The following WTAP variants were observed in gnomAD, a reference collection of about 807,000 sequenced individuals.
WTAP encodes the protein pre-mRNA-splicing regulator WTAP.
In WTAP, 8 loss-of-function variants were observed where a neutral mutation model predicts 50.0. The ratio of observed to expected loss-of-function variants is 0.16; its 90% confidence interval spans 0.09 to 0.29. The LOEUF (loss-of-function observed/expected upper bound fraction) is 0.29, where lower values mean the gene tolerates loss of function less well. WTAP is among the 10% of genes least tolerant of loss of function. The pLI, the probability that WTAP is intolerant of heterozygous loss-of-function variation, is 1.00. For synonymous variants in WTAP, 194 were observed against 169.0 expected, an observed-to-expected ratio of 1.15 and a Z score of -1.15; for missense variants, 295 against 470.7, an observed-to-expected ratio of 0.63 and a Z score of 3.45.
chr6:159,727,374 T>TGGCACGAGGCGGGAGGCGGGA (rs776889635), upstream of WTAP: 1 of 1,021,480 alleles, frequency 9.8e-7, no homozygotes, highest in Admixed American at 3.7e-5. Context: ...GCGGGGAGGC[T>TGGCACGAGGCGGGAGGCGGGA]GGCGGGAGGC....
Position 159,755,885 on chromosome 6 carries a change from T to A in WTAP, c.*274T>A, listed in dbSNP as rs1179365505. ...TGTGTAGGGTCAAGTTATTTTTATA[T>A]GAGTTAATGTGAAATTGTAAATGGA... On this transcript the variant is annotated 3_prime_UTR_variant, in exon 8 of 8. Transcript: ENST00000621533. The A allele has an allele frequency of 2.6e-6, 1 of 382,548 alleles. No homozygotes were observed. Among genetic ancestry groups the A allele is most frequent in the African/African-American group, 2.1e-5 (1 of 46,810 alleles). The allele number at this position is 382,548 out of a possible 1,614,324, so 23.7% of individuals were successfully genotyped here. A position where few individuals can be genotyped will look rare whatever the true frequency, so the allele number is the denominator to read the frequency against.
intron 6 of WTAP, among the ~76,000 whole-genome samples, chr6:159,750,435 G>A (rs1327760521): frequency 1.3e-5 from 2 of 152,068 alleles, no homozygotes; most frequent in Non-Finnish European, 2.9e-5. Flanking sequence ...GTAGAGAAAG[G>A]GGGAGATGAA....
Position 159,748,552 on chromosome 6 carries a change from G to A in WTAP, c.452+183G>A. On this transcript the variant is annotated intron_variant, in intron 6 of 7. Coordinates refer to ENST00000621533, the MANE Select transcript of WTAP (RefSeq NM_001270531.2). The surrounding 1 kb of genome is among the most constrained non-coding windows in gnomAD (Gnocchi z 5.6). ...GTAAAACTTACCAGATGAACCTTGT[G>A]TTTCAGCTTTTTTCTTTTCCCCTTC... is the stretch of plus-strand genomic sequence containing the variant. 1.5e-6 allele frequency: 2 copies of A among 1,357,436 alleles called. No individual in the cohort carries two copies. The highest frequency in any genetic ancestry group is 1.9e-6 in the Non-Finnish European group (2 of 1,051,208). The allele number at this position is 1,357,436 out of a possible 1,614,324, so 84.1% of individuals were successfully genotyped here. A position where few individuals can be genotyped will look rare whatever the true frequency, so the allele number is the denominator to read the frequency against.
At chr6:159,754,520 A>G (rs1157876832) in intron 7 of WTAP, among the ~76,000 whole-genome samples, 1 of 152,182 alleles carries the variant, frequency 6.6e-6, no homozygotes, top group Non-Finnish European at 1.5e-5. Context: ...GTTGCTTAAT[A>G]CAGTTGCCCT....
intron 1 of WTAP, among the ~76,000 whole-genome samples, chr6:159,728,163 C>T (rs911628341): frequency 1.3e-5 from 2 of 152,250 alleles, no homozygotes; most frequent in Admixed American, 6.5e-5. Context: ...CTCTTGTAGA[C>T]TTCCATTTTT....
upstream of WTAP, chr6:159,726,956 T>A (rs1280480659): frequency 1.6e-6 from 2 of 1,286,006 alleles, no homozygotes; most frequent in Non-Finnish European, 2.0e-6. Context: ...CGGATGAGCG[T>A]CACGAACACA....
At chr6:159,734,176 TTTTG>T (rs1778762366) in intron 1 of WTAP, among the ~76,000 whole-genome samples, 3 of 152,054 alleles carry the variant, frequency 2.0e-5, no homozygotes, top group African/African-American at 4.8e-5. Context: ...TGTGTGTGTG[TTTTG>T]TTTGTTTGTT....
chr6:159,728,845 C>T (rs1246840168), intron 1 of WTAP, among the ~76,000 whole-genome samples: 5 of 152,166 alleles, frequency 3.3e-5, no homozygotes, highest in Non-Finnish European at 7.3e-5. Context: ...CTTAAGCAGA[C>T]ACATGGTTTA....
At chr6:159,736,844 A>T (rs1778951572) in intron 2 of WTAP, 1 of 152,242 alleles carries the variant, frequency 6.6e-6, no homozygotes, top group African/African-American at 2.4e-5. Context: ...ATACACACAC[A>T]CAGTGGCTGT....
At position 159,755,765 on chromosome 6, in the gene WTAP, CTTTTTTTTTTTTTTTTTT is replaced by C; in HGVS notation, c.*162_*179del. 4 of 171,464 alleles carry C rather than the reference CTTTTTTTTTTTTTTTTTT, an allele frequency of 2.3e-5. No individual in the cohort carries two copies. The highest frequency in any genetic ancestry group is 2.8e-5 in the Non-Finnish European group (4 of 140,800). 10.6% of individuals were successfully genotyped at this position (171,464 alleles called of 1,614,324 possible). A position where few individuals can be genotyped will look rare whatever the true frequency, so the allele number is the denominator to read the frequency against. The stretch of plus-strand genomic sequence containing the variant: ...TTTTTCTTTGTTTTTTTTTTCTTTT[CTTTTTTTTTTTTTTTTTT>C]TTTTTTTGCTTCAATACTTCTGCCG... On this transcript the variant is annotated 3_prime_UTR_variant, in exon 8 of 8. Transcript: ENST00000621533.
At chr6:159,743,882 A>G in intron 5 of WTAP, 90 bp downstream of exon 5, 9 of 1,342,276 alleles carry the variant, frequency 6.7e-6, no homozygotes, top group Non-Finnish European at 8.9e-6. Flanking sequence ...ATTTAATGCT[A>G]AATATAAGAG....
At chr6:159,739,799 A>G (rs1458371708) in intron 3 of WTAP, among the ~76,000 whole-genome samples, 1 of 135,550 alleles carries the variant, frequency 7.4e-6, no homozygotes, top group Non-Finnish European at 1.6e-5. Flanking sequence ...TTGGACAGCT[A>G]CTGTATTATG....
In WTAP at chr6:159,749,806, G is replaced by A. The variant is rs181592363; in HGVS notation, c.452+1437G>A. ...AATTCATTTAATCATTTAGATAAAT[G>A]AGGCATTATTTTCTTCATGCTTCCA... On this transcript the variant is annotated intron_variant, in intron 6 of 7. Transcript: ENST00000621533. Among the ~76,000 whole-genome samples the A allele has an allele frequency of 5.3e-5, 8 of 152,296 alleles. No homozygotes were observed. The East Asian group carries it at 1.5e-3, about 29-fold the overall frequency.
chr6:159,755,790 T>TTTTTG lies in WTAP; in HGVS notation c.*179_*180insTTTTG, dbSNP rs1779991801. 2.5e-5 allele frequency: 21 copies of TTTTTG among 848,856 alleles called. No individual in the cohort carries two copies. Among genetic ancestry groups the TTTTTG allele is most frequent in the Admixed American group, 4.2e-5 (1 of 23,676 alleles). 52.6% of individuals were successfully genotyped at this position (848,856 alleles called of 1,614,324 possible). A position where few individuals can be genotyped will look rare whatever the true frequency, so the allele number is the denominator to read the frequency against. ...CTTTTTTTTTTTTTTTTTTTTTTTT[T>TTTTTG]GCTTCAATACTTCTGCCGCTTTGGA... On this transcript the variant is annotated 3_prime_UTR_variant, in exon 8 of 8. Coordinates refer to ENST00000621533, the MANE Select transcript of WTAP (RefSeq NM_001270531.2).
At chr6:159,738,145 T>C (rs970196348) in intron 2 of WTAP, among the ~76,000 whole-genome samples, 1 of 152,228 alleles carries the variant, frequency 6.6e-6, no homozygotes, top group African/African-American at 2.4e-5. Context: ...ACTATTATCA[T>C]GTCTAGCTTT....
In WTAP at chr6:159,732,886, A is replaced by ATAGTGTGTGT. The variant is rs146623701; in HGVS notation, c.-8-3372_-8-3371insTAGTGTGTGT. ...TCTCTCTCTCTCTGTATATATATAT[A>ATAGTGTGTGT]GTGTGTGTGTGTGTGTGTGTGTGTG... On this transcript the variant is annotated intron_variant, in intron 1 of 7. Transcript: ENST00000621533. Among the ~76,000 whole-genome samples, 471 of 146,476 alleles carry ATAGTGTGTGT rather than the reference A, an allele frequency of 3.2e-3. 6 individuals carry two copies. The highest frequency in any genetic ancestry group is 0.011 in the African/African-American group (441 of 38,388).
At chr6:159,729,761 A>T (rs1170316075) in intron 1 of WTAP, among the ~76,000 whole-genome samples, 2 of 152,210 alleles carry the variant, frequency 1.3e-5, no homozygotes, top group East Asian at 3.8e-4. Context: ...TTGCTACTAC[A>T]GTGTCTGCAG....
chr6:159,740,704 CTTTCTTTTTTT>C (rs1162052315), intron 3 of WTAP, among the ~76,000 whole-genome samples: 3 of 138,310 alleles, frequency 2.2e-5, no homozygotes, highest in Non-Finnish European at 4.7e-5. Context: ...TTTCTTTTTT[CTTTCTTTTTTT>C]TTTTTTTAAG....
In WTAP at chr6:159,748,138, C is replaced by G; in HGVS notation, c.274-53C>G. On this transcript the variant is annotated intron_variant, in intron 5 of 7. Coordinates refer to ENST00000621533, the MANE Select transcript of WTAP (RefSeq NM_001270531.2). This position sits in a 1 kb window ranked among gnomAD's most constrained non-coding sequence, Gnocchi z 5.6. ...GAATGGAGGGAGTTTTCCCCACCTT[C>G]TTATGTATGTTTCCTTTGATTTGGT... 1 of 1,549,872 alleles carries G rather than the reference C, an allele frequency of 6.5e-7. No homozygotes were observed. Among genetic ancestry groups the G allele is most frequent in the Non-Finnish European group, 8.8e-7 (1 of 1,140,714 alleles).
Sources: gnomAD v4.1 joint callset for allele counts (sites outside exome capture counted in the v4.1 genomes callset) on GRCh38, gnomAD v4.1.1 for gene constraint, Gnocchi (gnomAD v3.1) non-coding constraint, MANE v1.5 for transcripts, NCBI Gene and HGNC (gene_info 2026-07-23, HGNC 2026-07-21) for gene names.